Variants in SLC2A9 observed in about 807,000 individuals in gnomAD.
The protein encoded by SLC2A9 is solute carrier family 2, facilitated glucose transporter member 9.
A neutral mutation model predicts 50.6 loss-of-function variants in SLC2A9; 39 were observed. That is an observed-to-expected ratio of 0.77 (90% CI 0.60 to 1.01). The LOEUF is 1.01. Ranked by LOEUF, SLC2A9 falls within the 50% of genes least tolerant of loss-of-function variation. The pLI is 0.00. For synonymous variants in SLC2A9, 324 were observed against 276.9 expected, an observed-to-expected ratio of 1.17 and a Z score of -1.69; for missense variants, 686 against 677.6, an observed-to-expected ratio of 1.01 and a Z score of -0.14.
intron 1 of SLC2A9, chr4:10,036,004 T>C (rs10939665): frequency 0.46 from 91,292 of 199,566 alleles, 22,776 homozygotes; most frequent in South Asian, 0.59. Context: ...TGAGCCGTGC[T>C]GCCAGAATCC....
At chr4:9,866,068 C>A (rs143727080) in intron 10 of SLC2A9, among the ~76,000 whole-genome samples, 2 of 152,206 alleles carry the variant, frequency 1.3e-5, no homozygotes, top group African/African-American at 4.8e-5. Flanking sequence ...GGACTTGTGG[C>A]ATGGGGGAAA....
At chr4:10,007,857 A>C (rs1309015024) in intron 2 of SLC2A9, among the ~76,000 whole-genome samples, 7 of 152,148 alleles carry the variant, frequency 4.6e-5, no homozygotes, top group Admixed American at 4.6e-4. Context: ...TCATTTATAG[A>C]ATGGGAATAA....
intron 5 of SLC2A9, among the ~76,000 whole-genome samples, chr4:9,943,099 C>T (rs768527843): frequency 5.3e-5 from 8 of 152,160 alleles, no homozygotes; most frequent in Non-Finnish European, 4.4e-5. Flanking sequence ...CCCAGCTGCC[C>T]GCTGGGAGGC....
chr4:9,830,508 C>T (rs1319507170), intron 11 of SLC2A9, among the ~76,000 whole-genome samples: 2 of 152,150 alleles, frequency 1.3e-5, no homozygotes, highest in African/African-American at 4.8e-5. Context: ...GCACATGTAC[C>T]CCAAACTTAG....
intron 6 of SLC2A9, among the ~76,000 whole-genome samples, chr4:9,931,216 C>A (rs912689993): frequency 6.6e-6 from 1 of 152,206 alleles, no homozygotes; most frequent in African/African-American, 2.4e-5. Flanking sequence ...TCCCCACATT[C>A]TCCCTTCAAT....
At chr4:9,860,711 CAG>C (rs1731472521) in intron 10 of SLC2A9, among the ~76,000 whole-genome samples, 2 of 152,350 alleles carry the variant, frequency 1.3e-5, no homozygotes, top group African/African-American at 4.8e-5. Flanking sequence ...TCCTTTTTGA[CAG>C]AGAGTCCAGT....
At chr4:9,773,806 G>A (rs1314541952) in intron 1 of SLC2A9, among the ~76,000 whole-genome samples, 1 of 152,096 alleles carries the variant, frequency 6.6e-6, no homozygotes, top group Admixed American at 6.5e-5. Context: ...AAGAGCCTGG[G>A]TAAGAGAGGA....
chr4:9,972,308 T>C (rs930338741), intron 5 of SLC2A9, among the ~76,000 whole-genome samples: 1 of 152,216 alleles, frequency 6.6e-6, no homozygotes, highest in Non-Finnish European at 1.5e-5. Context: ...CTCATACTTT[T>C]GCCTATAATT....
chr4:9,951,136 T>A (rs1653740433), intron 5 of SLC2A9, among the ~76,000 whole-genome samples: 1 of 152,188 alleles, frequency 6.6e-6, no homozygotes, highest in South Asian at 2.1e-4. Flanking sequence ...TATATATACA[T>A]CATGGAATAC....
At chr4:9,807,047 A>G (rs1429169779) in intron 3 of SLC2A9, among the ~76,000 whole-genome samples, 2 of 152,144 alleles carry the variant, frequency 1.3e-5, no homozygotes, top group Admixed American at 1.3e-4. Flanking sequence ...GGGTCTGGGT[A>G]CAGAAAATGG....
intron 8 of SLC2A9, among the ~76,000 whole-genome samples, chr4:9,899,854 C>T (rs138162426): frequency 3.2e-4 from 48 of 152,312 alleles, no homozygotes; most frequent in African/African-American, 1.1e-3. Context: ...AGGCTGGCAG[C>T]AGACAGGCTT....
At chr4:9,864,806 T>G (rs916295074) in intron 10 of SLC2A9, among the ~76,000 whole-genome samples, 2 of 152,256 alleles carry the variant, frequency 1.3e-5, no homozygotes, top group African/African-American at 4.8e-5. Context: ...CCAAACCCTG[T>G]GCCTGTGTTG....
intron 6 of SLC2A9, among the ~76,000 whole-genome samples, chr4:9,940,527 T>C (rs189866979): frequency 5.4e-4 from 83 of 152,334 alleles, no homozygotes; most frequent in African/African-American, 1.9e-3. Context: ...ATTTTGTGTA[T>C]ATGGTTACTG....
chr4:10,006,253 C>A (rs1760752799), intron 2 of SLC2A9, among the ~76,000 whole-genome samples: 1 of 152,150 alleles, frequency 6.6e-6, no homozygotes. Flanking sequence ...AATTGCCAGA[C>A]AATGGGAGGC....
At chr4:9,889,248 GCC>G (rs1736885064) in intron 9 of SLC2A9, among the ~76,000 whole-genome samples, 1 of 152,118 alleles carries the variant, frequency 6.6e-6, no homozygotes, top group African/African-American at 2.4e-5. Context: ...GCACAGAAGA[GCC>G]CTAGGAGAGG....
intron 10 of SLC2A9, among the ~76,000 whole-genome samples, chr4:9,836,655 G>A (rs1311455863): frequency 6.6e-6 from 1 of 152,234 alleles, no homozygotes; most frequent in Non-Finnish European, 1.5e-5. Context: ...GTAGATCATG[G>A]AGAGGGGTTT....
intron 6 of SLC2A9, among the ~76,000 whole-genome samples, chr4:9,931,660 A>G (rs1260700910): frequency 1.3e-5 from 2 of 151,940 alleles, no homozygotes; most frequent in Non-Finnish European, 2.9e-5. Context: ...CTTTCCACAC[A>G]CCTCACAAGA....
chr4:9,907,496 T>G (rs1740903131), intron 8 of SLC2A9, among the ~76,000 whole-genome samples: 1 of 152,236 alleles, frequency 6.6e-6, no homozygotes, highest in Non-Finnish European at 1.5e-5. Flanking sequence ...TGGCTTATTA[T>G]TAAGGTCTTC....
chr4:9,949,610 C>A (rs568413525), intron 5 of SLC2A9, among the ~76,000 whole-genome samples: 1 of 152,166 alleles, frequency 6.6e-6, no homozygotes, highest in Non-Finnish European at 1.5e-5. Flanking sequence ...GGGGCTCTTT[C>A]CTTGACATTA....
Sources: allele counts gnomAD v4.1 joint callset (sites outside exome capture counted in the v4.1 genomes callset), GRCh38; gene constraint gnomAD v4.1.1; transcripts MANE v1.5; gene names NCBI Gene and HGNC (gene_info 2026-07-23, HGNC 2026-07-21).